Variants in COL19A1 observed in about 807,000 individuals in gnomAD.
COL19A1 encodes the protein collagen alpha-1(XIX) chain.
Under a neutral mutation model 190.2 loss-of-function variants are expected in COL19A1, and 159 were observed. The ratio of observed to expected loss-of-function variants is 0.84; its 90% CI spans 0.73 to 0.95. The LOEUF is 0.95. COL19A1 is among the 40% of genes least tolerant of loss of function. The pLI, the probability that COL19A1 is intolerant of heterozygous loss-of-function variation, is 0.00. For synonymous variants in COL19A1, 509 were observed against 458.9 expected (o/e 1.11, Z -1.39); for missense variants, 1,418 against 1,431.9 (o/e 0.99, Z 0.16).
intron 1 of COL19A1, among the ~76,000 whole-genome samples, chr6:69,868,788 A>G (rs1319748051): frequency 1.3e-5 from 2 of 152,236 alleles, no homozygotes; most frequent in African/African-American, 4.8e-5. Context: ...ATTTCCATCT[A>G]CTTTCTGGTC....
chr6:70,161,932 TC>T lies in COL19A1; in HGVS notation c.2327del (p.Pro776GlnfsTer9). ...AAGGAATTCCAGGCATTCCAGGTGCTCCAGGCCCGACTGGACCCCCTGTAAG... is the reference window on the plus strand; with the variant it reads ...AAGGAATTCCAGGCATTCCAGGTGCTCAGGCCCGACTGGACCCCCTGTAAG... Reference protein sequence around the residue: ...LQGIPGIPGAPGPTGPPGLMG... With the variant: ...LQGIPGIPGAXGPTGPPGLMG... On this transcript the variant is annotated frameshift_variant, in exon 35 of 51. Coordinates refer to ENST00000620364, the MANE Select transcript of COL19A1 (RefSeq NM_001858.6). LOFTEE classifies it high-confidence loss of function. The T allele has an allele frequency of 6.2e-7, 1 of 1,606,960 alleles. No homozygotes were observed. Among genetic ancestry groups the T allele is most frequent in the Non-Finnish European group, 8.5e-7 (1 of 1,176,640 alleles).
intron 11 of COL19A1, among the ~76,000 whole-genome samples, chr6:69,977,419 G>C (rs1370753828): frequency 3.5e-5 from 5 of 140,934 alleles, no homozygotes; most frequent in Admixed American, 7.0e-5. Flanking sequence ...GTTGTGGGGT[G>C]GGGGGAGGGG....
At chr6:69,875,613 G>A (rs1319558847) in intron 1 of COL19A1, among the ~76,000 whole-genome samples, 1 of 152,174 alleles carries the variant, frequency 6.6e-6, no homozygotes, top group Admixed American at 6.5e-5. Context: ...GGAAGTAGGA[G>A]ATGGGGATAA....
At chr6:69,906,671 A>T (rs1486411794) in intron 4 of COL19A1, among the ~76,000 whole-genome samples, 1 of 152,156 alleles carries the variant, frequency 6.6e-6, no homozygotes, top group Admixed American at 6.5e-5. Flanking sequence ...GACATATATG[A>T]TCCCCTTAGT....
chr6:69,996,697 T>C (rs1776922995), intron 11 of COL19A1, among the ~76,000 whole-genome samples: 2 of 152,054 alleles, frequency 1.3e-5, no homozygotes, highest in African/African-American at 4.8e-5. Flanking sequence ...TCAAAACCAA[T>C]ATATTTTAAT....
rs184364444 is a variant in COL19A1 at position 69,885,563 on chromosome 6, T to G, written c.91+5905T>G. ...TTTTGTTAGTCCTTATGTTGCACAT[T>G]CCATCTCTAGATACATTTATCCTAC... On this transcript the variant is annotated intron_variant, in intron 2 of 50. Coordinates refer to ENST00000620364, the MANE Select transcript of COL19A1 (RefSeq NM_001858.6). 1.5e-4 allele frequency among the ~76,000 whole-genome samples: 23 copies of G among 152,312 alleles called. No homozygotes were observed. In the East Asian group the frequency reaches 3.9e-3, roughly 25 times the overall value.
intron 34 of COL19A1, among the ~76,000 whole-genome samples, chr6:70,161,555 A>G (rs1296607793): frequency 2.6e-5 from 4 of 152,098 alleles, no homozygotes; most frequent in African/African-American, 9.7e-5. Context: ...GATATAATGG[A>G]CGTTGGAGGC....
intron 15 of COL19A1, among the ~76,000 whole-genome samples, chr6:70,069,700 C>T (rs1227696525): frequency 2.0e-5 from 3 of 152,012 alleles, no homozygotes; most frequent in African/African-American, 4.8e-5. Context: ...ATTAAATGCT[C>T]CTCCCTTTTT....
intron 4 of COL19A1, among the ~76,000 whole-genome samples, chr6:69,921,378 ATATAT>A (rs1771809312): frequency 9.6e-6 from 1 of 104,396 alleles, no homozygotes; most frequent in African/African-American, 4.7e-5. Flanking sequence ...CATATATATC[ATATAT>A]ATCATATATA....
chr6:70,178,377 A>AAAAAT (rs1765946319), intron 42 of COL19A1, among the ~76,000 whole-genome samples: 1 of 152,198 alleles, frequency 6.6e-6, no homozygotes, highest in Admixed American at 6.5e-5. Context: ...CCCTGTCTCA[A>AAAAAT]AAAATAAAAT....
chr6:70,201,148 C>T (rs181038055), intron 49 of COL19A1, among the ~76,000 whole-genome samples: 25 of 152,218 alleles, frequency 1.6e-4, no homozygotes, highest in South Asian at 6.2e-4. Flanking sequence ...GAATAAGCAG[C>T]GTTAACACCA....
intron 4 of COL19A1, among the ~76,000 whole-genome samples, chr6:69,909,674 C>T (rs920152939): frequency 6.6e-6 from 1 of 152,042 alleles, no homozygotes; most frequent in African/African-American, 2.4e-5. Flanking sequence ...CCAATTTATC[C>T]ATATCCAAGG....
At chr6:70,151,643 C>T (rs1390403281) in intron 31 of COL19A1, among the ~76,000 whole-genome samples, 1 of 152,062 alleles carries the variant, frequency 6.6e-6, no homozygotes, top group Non-Finnish European at 1.5e-5. Context: ...TTCTTCTTTA[C>T]CAGCCTCTCA....
At chr6:69,956,453 C>A (rs1252198645) in intron 9 of COL19A1, among the ~76,000 whole-genome samples, 5 of 151,680 alleles carry the variant, frequency 3.3e-5, no homozygotes, top group African/African-American at 1.2e-4. Flanking sequence ...GGAAAAAATT[C>A]TCCCCTTGAA....
intron 11 of COL19A1, among the ~76,000 whole-genome samples, chr6:69,968,628 A>G (rs1775252646): frequency 6.6e-6 from 1 of 152,184 alleles, no homozygotes; most frequent in Non-Finnish European, 1.5e-5. Context: ...AACAACAGTT[A>G]TGGCTTTAAA....
chr6:69,918,457 G>A (rs2149995322), intron 4 of COL19A1, among the ~76,000 whole-genome samples: 1 of 152,298 alleles, frequency 6.6e-6, no homozygotes, highest in Admixed American at 6.5e-5. Context: ...AGAACTTGGG[G>A]AGGCCAATGC....
At chr6:70,138,899 G>A (rs1003327997) in intron 19 of COL19A1, among the ~76,000 whole-genome samples, 1 of 151,964 alleles carries the variant, frequency 6.6e-6, no homozygotes, top group Admixed American at 6.6e-5. Context: ...AATCCAGCCT[G>A]GTGCATGCCC....
At chr6:69,942,574 A>G (rs1221606878) in intron 9 of COL19A1, among the ~76,000 whole-genome samples, 10 of 151,768 alleles carry the variant, frequency 6.6e-5, no homozygotes, top group Non-Finnish European at 8.8e-5. Context: ...CTCTACTTCT[A>G]TGAGATTAAC....
chr6:70,030,623 G>A (rs1056498146), intron 12 of COL19A1, among the ~76,000 whole-genome samples: 3 of 152,152 alleles, frequency 2.0e-5, no homozygotes, highest in Non-Finnish European at 1.5e-5. Context: ...GATACTCAAG[G>A]TTTTTATCAG....
Sources: gnomAD v4.1 joint callset for allele counts (sites outside exome capture counted in the v4.1 genomes callset) on GRCh38, gnomAD v4.1.1 for gene constraint, MANE v1.5 for transcripts, NCBI Gene and HGNC (gene_info 2026-07-23, HGNC 2026-07-21) for gene names.